ITSN2: variants seen among roughly 807,000 people sequenced by gnomAD.
ITSN2 encodes the protein intersectin-2.
A neutral mutation model predicts 243.7 loss-of-function variants in ITSN2; 156 were observed. The observed-to-expected ratio is 0.64, with a 90% CI of 0.56 to 0.73. The LOEUF is 0.73. ITSN2 is among the 30% of genes least tolerant of loss of function. The pLI is 0.00. For missense variants in ITSN2, 1,801 were observed against 1,996.1 expected, an observed-to-expected ratio of 0.90 and a Z score of 1.86; for synonymous variants, 703 against 699.9, an observed-to-expected ratio of 1.00 and a Z score of -0.07.
chr2:24,278,220 C>T (rs1678269244), intron 17 of ITSN2, among the ~76,000 whole-genome samples: 1 of 152,164 alleles, frequency 6.6e-6, no homozygotes, highest in South Asian at 2.1e-4. Flanking sequence ...CCTTTACTAA[C>T]CCTATTCCCT....
intron 1 of ITSN2, among the ~76,000 whole-genome samples, chr2:24,347,913 A>G (rs1278016704): frequency 6.6e-6 from 1 of 151,970 alleles, no homozygotes; most frequent in South Asian, 2.1e-4. Flanking sequence ...CTCTACCAAT[A>G]ATTTTAAAAT....
At chr2:24,246,916 C>T (rs1673449393) in intron 27 of ITSN2, 23 bp from the exon 28 acceptor site, 8 of 1,434,450 alleles carry the variant, frequency 5.6e-6, no homozygotes, top group South Asian at 2.4e-5. Flanking sequence ...AAAAGAAATA[C>T]ATAATTGAAA....
intron 29 of ITSN2, chr2:24,239,643 AT>A (rs1672517854): frequency 6.6e-6 from 1 of 152,098 alleles, no homozygotes; most frequent in African/African-American, 2.4e-5. Context: ...TTGAACTCAC[AT>A]TTTAAAATTC....
chr2:24,227,288 TA>T (rs55652738), intron 29 of ITSN2, among the ~76,000 whole-genome samples: 108,184 of 114,874 alleles, frequency 0.94, 50,828 homozygotes, highest in East Asian at 0.96. Flanking sequence ...GAGCTCAAAG[TA>T]AAAAAAAAAA....
intron 29 of ITSN2, among the ~76,000 whole-genome samples, chr2:24,243,189 T>C (rs1356723182): frequency 6.6e-6 from 1 of 152,206 alleles, no homozygotes; most frequent in Non-Finnish European, 1.5e-5. Context: ...TTTGTATAAA[T>C]ATTCATTGCA....
At chr2:24,253,840 AC>A (rs1233121513) in intron 24 of ITSN2, among the ~76,000 whole-genome samples, 2 of 152,228 alleles carry the variant, frequency 1.3e-5, no homozygotes, top group African/African-American at 4.8e-5. Context: ...AATGTATGTA[AC>A]TATTAAATAA....
At chr2:24,238,676 TG>T (rs1473545803) in intron 29 of ITSN2, among the ~76,000 whole-genome samples, 1 of 152,212 alleles carries the variant, frequency 6.6e-6, no homozygotes, top group East Asian at 1.9e-4. Context: ...TCCTTACTTT[TG>T]TGAGCAACAA....
At chr2:24,347,958 C>T (rs1207627600) in intron 1 of ITSN2, among the ~76,000 whole-genome samples, 2 of 151,826 alleles carry the variant, frequency 1.3e-5, no homozygotes, top group East Asian at 1.9e-4. Context: ...CATCTATAGT[C>T]CTAGCTACTC....
intron 23 of ITSN2, among the ~76,000 whole-genome samples, chr2:24,257,483 G>A (rs1287640853): frequency 2.7e-5 from 4 of 150,580 alleles, no homozygotes; most frequent in Admixed American, 1.3e-4. Context: ...TTAATACGGG[G>A]TATCACTCTG....
At chr2:24,216,362 G>A in intron 31 of ITSN2, 130 bp from the exon 32 acceptor site, 2 of 700,100 alleles carry the variant, frequency 2.9e-6, no homozygotes, top group Non-Finnish European at 4.5e-6. Context: ...CTGGGAAGGA[G>A]AACTCAAGAG....
chr2:24,211,807 A>G lies in ITSN2; in HGVS notation c.4089+843T>C, dbSNP rs796085124. Among the ~76,000 whole-genome samples the G allele has an allele frequency of 5.9e-5, 9 of 152,294 alleles. 1 individual carries two copies. Among genetic ancestry groups the G allele is most frequent in the African/African-American group, 2.2e-4 (9 of 41,564 alleles). On this transcript the variant is annotated intron_variant, in intron 33 of 39. Transcript: ENST00000355123. The surrounding 1 kb of genome is among the most constrained non-coding windows in gnomAD (Gnocchi z 4.1). ...TACCCTAAGGCTCAGTTGAGGAGTCATATATTATATGGTATTTGAGCTACA... is the reference window on the plus strand; with the variant it reads ...TACCCTAAGGCTCAGTTGAGGAGTCGTATATTATATGGTATTTGAGCTACA...
intron 29 of ITSN2, among the ~76,000 whole-genome samples, chr2:24,237,304 G>A (rs992809549): frequency 5.3e-5 from 8 of 152,102 alleles, no homozygotes; most frequent in Admixed American, 4.6e-4. Context: ...TGGTTGCAGA[G>A]CCAAAATTTC....
intron 19 of ITSN2, 64 bp downstream of exon 19, chr2:24,271,702 T>G (rs1171181048): frequency 7.0e-7 from 1 of 1,434,354 alleles, no homozygotes; most frequent in Non-Finnish European, 9.2e-7. Flanking sequence ...TTTTTTTGTC[T>G]CTTATCAGGT....
rs777343965 is a variant in ITSN2 at position 24,308,566 on chromosome 2, G to A, written c.793+51C>T. The A allele has an allele frequency of 2.2e-5, 26 of 1,165,324 alleles. No individual in the cohort carries two copies. The East Asian group carries it at 6.5e-4, about 29-fold the overall frequency. 72.2% of individuals were successfully genotyped at this position (1,165,324 alleles called of 1,614,324 possible). On this transcript the variant is annotated intron_variant, in intron 8 of 39. Transcript: ENST00000355123. Reference sequence around the variant, plus strand: ...TTCAAATGACAGTTCTTCAGTGGAAGTCCACATAAAAGACCCTTTTTCATG... The same window carrying A: ...TTCAAATGACAGTTCTTCAGTGGAAATCCACATAAAAGACCCTTTTTCATG...
intron 29 of ITSN2, among the ~76,000 whole-genome samples, chr2:24,229,264 C>T (rs1671343526): frequency 6.6e-6 from 1 of 152,064 alleles, no homozygotes; most frequent in Non-Finnish European, 1.5e-5. Context: ...CATATGAACA[C>T]ACATACAAGA....
intron 13 of ITSN2, among the ~76,000 whole-genome samples, chr2:24,298,249 C>G (rs1681246446): frequency 6.6e-6 from 1 of 152,196 alleles, no homozygotes; most frequent in Admixed American, 6.5e-5. Context: ...CCTCCGCCTC[C>G]CAGGTTCAAG....
chr2:24,219,111 A>G (rs563232191), intron 30 of ITSN2, among the ~76,000 whole-genome samples: 1 of 152,252 alleles, frequency 6.6e-6, no homozygotes, highest in East Asian at 1.9e-4. Context: ...CTGGAGTAGC[A>G]AACTTGTCCT....
intron 8 of ITSN2, among the ~76,000 whole-genome samples, chr2:24,308,092 G>A (rs1003605337): frequency 6.6e-6 from 1 of 152,194 alleles, no homozygotes; most frequent in East Asian, 1.9e-4. Flanking sequence ...CTCCTTTGCT[G>A]TTCTCAATTA....
intron 29 of ITSN2, among the ~76,000 whole-genome samples, chr2:24,227,268 C>G (rs1324063076): frequency 5.0e-5 from 7 of 139,986 alleles, no homozygotes; most frequent in Non-Finnish European, 6.1e-5. Context: ...AACCAAGTCT[C>G]ATTAAAGATG....
Sources: gnomAD v4.1 joint callset for allele counts (sites outside exome capture counted in the v4.1 genomes callset) on GRCh38, gnomAD v4.1.1 for gene constraint, Gnocchi (gnomAD v3.1) non-coding constraint, MANE v1.5 for transcripts, NCBI Gene and HGNC (gene_info 2026-07-23, HGNC 2026-07-21) for gene names.